Variants in HP1BP3 observed in about 807,000 individuals in gnomAD.
HP1BP3 encodes heterochromatin protein 1-binding protein 3.
HP1BP3 carries 12 observed loss-of-function variants against 62.5 expected under a neutral mutation model. The ratio of observed to expected loss-of-function variants is 0.19; its 90% confidence interval spans 0.12 to 0.31. The LOEUF (loss-of-function observed/expected upper bound fraction) is 0.31, where lower values mean the gene tolerates loss of function less well. Among genes scored for constraint, HP1BP3 ranks in the 10% least tolerant of loss-of-function variants. The pLI, the probability that HP1BP3 is intolerant of heterozygous loss-of-function variation, is 1.00. For synonymous variants in HP1BP3, 260 were observed against 237.8 expected (o/e 1.09, Z -0.86); for missense variants, 502 against 651.8 (o/e 0.77, Z 2.50).
chr1:20,776,058 T>C, intron 4 of HP1BP3: 1 of 1,429,774 alleles, frequency 7.0e-7, no homozygotes, highest in Non-Finnish European at 9.3e-7. Flanking sequence ...TGCCATCACT[T>C]TATATAGATA....
intron 8 of HP1BP3, among the ~76,000 whole-genome samples, chr1:20,762,904 G>A (rs949880046): frequency 1.3e-5 from 2 of 152,124 alleles, no homozygotes; most frequent in Non-Finnish European, 1.5e-5. Flanking sequence ...ATATTTTGGG[G>A]TCACACAAAG....
At chr1:20,766,825 C>A (rs2056809180) in intron 7 of HP1BP3, among the ~76,000 whole-genome samples, 1 of 152,076 alleles carries the variant, frequency 6.6e-6, no homozygotes, top group South Asian at 2.1e-4. Context: ...CTGTAGCAGT[C>A]CCAGCTACTG....
chr1:20,756,621 AAT>A (rs1463125571), intron 9 of HP1BP3, among the ~76,000 whole-genome samples: 1 of 152,214 alleles, frequency 6.6e-6, no homozygotes, highest in African/African-American at 2.4e-5. Flanking sequence ...TTCACTAAAA[AAT>A]ATGTCATTTA....
At chr1:20,764,901 G>A (rs1426927647) in intron 8 of HP1BP3, among the ~76,000 whole-genome samples, 3 of 150,360 alleles carry the variant, frequency 2.0e-5, no homozygotes, top group South Asian at 2.1e-4. Flanking sequence ...GGCCACAGCG[G>A]CTCACGCCTG....
In HP1BP3 at chr1:20,741,632, T is replaced by C. The variant is rs1213073572; in HGVS notation, c.*3165A>G. Among the ~76,000 whole-genome samples, 1 of 152,238 alleles carries C rather than the reference T, an allele frequency of 6.6e-6. No individual in the cohort carries two copies. Among genetic ancestry groups the C allele is most frequent in the Non-Finnish European group, 1.5e-5 (1 of 68,040 alleles). The stretch of plus-strand genomic sequence containing the variant: ...ATAGTGCTAAGGAAAGGTCTCCACA[T>C]TTCTCAACAATAGTATCTTTCCTTC... On this transcript the variant is annotated 3_prime_UTR_variant, in exon 13 of 13. Transcript: ENST00000438032.
Position 20,754,134 on chromosome 1 carries a change from C to G in HP1BP3, c.981+3032G>C, listed in dbSNP as rs2055947191. Among the ~76,000 whole-genome samples, 3 of 152,290 alleles carry G rather than the reference C, an allele frequency of 2.0e-5. 1 individual carries two copies. In the South Asian group the frequency reaches 6.2e-4, roughly 32 times the overall value. The stretch of plus-strand genomic sequence containing the variant: ...CTGTAAGGAATTCACAAAGAAACTA[C>G]TACAACTGGTGAGTTCAGCAAGGGC... On this transcript the variant is annotated intron_variant, in intron 9 of 12. Coordinates refer to ENST00000438032, the MANE Select transcript of HP1BP3 (RefSeq NM_001372052.1).
At chr1:20,745,336 A>T (rs1336687374) in intron 12 of HP1BP3, among the ~76,000 whole-genome samples, 2 of 152,236 alleles carry the variant, frequency 1.3e-5, no homozygotes, top group East Asian at 3.8e-4. Context: ...TCTTTGAATA[A>T]CTAAACTATG....
intron 9 of HP1BP3, among the ~76,000 whole-genome samples, chr1:20,753,853 T>C (rs2055929881): frequency 6.6e-6 from 1 of 152,110 alleles, no homozygotes; most frequent in Admixed American, 6.6e-5. Flanking sequence ...ACTAGTAGTA[T>C]ATATAGAAGG....
At chr1:20,749,022 G>A (rs1386439589) in intron 10 of HP1BP3, among the ~76,000 whole-genome samples, 1 of 152,096 alleles carries the variant, frequency 6.6e-6, no homozygotes, top group Non-Finnish European at 1.5e-5. Flanking sequence ...AGGTTAATAA[G>A]AAATAATATA....
At chr1:20,762,919 T>A (rs1418746754) in intron 8 of HP1BP3, among the ~76,000 whole-genome samples, 1 of 152,070 alleles carries the variant, frequency 6.6e-6, no homozygotes, top group African/African-American at 2.4e-5. Context: ...ACAAAGGAGA[T>A]AAAAGTGAAA....
intron 9 of HP1BP3, among the ~76,000 whole-genome samples, chr1:20,750,617 G>A (rs77401417): frequency 0.025 from 3,851 of 151,378 alleles, 109 homozygotes; most frequent in East Asian, 0.096. Context: ...ATGAAGTATA[G>A]CTGACCCTTG....
At chr1:20,750,476 G>A (rs953341901) in intron 9 of HP1BP3, among the ~76,000 whole-genome samples, 5 of 151,346 alleles carry the variant, frequency 3.3e-5, no homozygotes, top group East Asian at 1.9e-4. Context: ...GCAGTGTGCC[G>A]AAATCATGCC....
chr1:20,786,791 G>A (rs2057859822), intron 1 of HP1BP3: 1 of 152,416 alleles, frequency 6.6e-6, no homozygotes, highest in Non-Finnish European at 1.5e-5. Context: ...GCGGGCGGAC[G>A]CCGGACCGCG....
intron 8 of HP1BP3, among the ~76,000 whole-genome samples, chr1:20,758,919 C>A (rs970490168): frequency 2.0e-5 from 3 of 151,978 alleles, no homozygotes; most frequent in African/African-American, 7.3e-5. Context: ...TCCCAAAGTG[C>A]TGGGATTACA....
chr1:20,778,383 A>T (rs1168813747), intron 3 of HP1BP3, among the ~76,000 whole-genome samples: 1 of 152,254 alleles, frequency 6.6e-6, no homozygotes, highest in Non-Finnish European at 1.5e-5. Flanking sequence ...GAGAAGATTA[A>T]ACAAACATAC....
intron 4 of HP1BP3, chr1:20,775,898 C>A: frequency 1.4e-6 from 2 of 1,431,130 alleles, no homozygotes; most frequent in Non-Finnish European, 1.9e-6. Context: ...AAAGATGTAT[C>A]TCTCAGAATG....
intron 8 of HP1BP3, 95 bp from the exon 9 acceptor site, chr1:20,757,351 C>T: frequency 1.6e-6 from 1 of 632,038 alleles, no homozygotes; most frequent in Non-Finnish European, 2.5e-6. Flanking sequence ...ATCTAGAGTT[C>T]TGATTACTAT....
intron 5 of HP1BP3, among the ~76,000 whole-genome samples, chr1:20,773,149 G>A (rs2057135637): frequency 6.6e-6 from 1 of 152,096 alleles, no homozygotes; most frequent in African/African-American, 2.4e-5. Context: ...TTAAATGTTT[G>A]TTCAATGAAT....
intron 4 of HP1BP3, 40 bp downstream of exon 4, chr1:20,776,557 A>G (rs746189404): frequency 3.2e-6 from 5 of 1,558,446 alleles, no homozygotes; most frequent in Non-Finnish European, 4.4e-6. Context: ...CCTTTTACAC[A>G]TTCTTCAAAT....
Sources: gnomAD v4.1 joint callset for allele counts (sites outside exome capture counted in the v4.1 genomes callset) on GRCh38, gnomAD v4.1.1 for gene constraint, MANE v1.5 for transcripts, NCBI Gene and HGNC (gene_info 2026-07-23, HGNC 2026-07-21) for gene names.